The following PTPN13 variants were observed in gnomAD, a reference collection of about 807,000 sequenced individuals.
PTPN13 encodes the protein tyrosine-protein phosphatase non-receptor type 13.
In PTPN13, 191 loss-of-function variants were observed where a neutral mutation model predicts 284.0. The ratio of observed to expected loss-of-function variants is 0.67; its 90% CI spans 0.60 to 0.76. The LOEUF (loss-of-function observed/expected upper bound fraction) is 0.76, where lower values mean the gene tolerates loss of function less well. PTPN13 is among the 30% of genes least tolerant of loss of function. The pLI, the probability that PTPN13 is intolerant of heterozygous loss-of-function variation, is 0.00. For synonymous variants in PTPN13, 986 were observed against 1,022.3 expected, an observed-to-expected ratio of 0.96 and a Z score of 0.68; for missense variants, 2,797 against 2,939.9, an observed-to-expected ratio of 0.95 and a Z score of 1.12.
At chr4:86,644,870 A>C (rs1451670379) in intron 2 of PTPN13, among the ~76,000 whole-genome samples, 1 of 152,164 alleles carries the variant, frequency 6.6e-6, no homozygotes, top group Non-Finnish European at 1.5e-5. Context: ...ATAGATGCAG[A>C]AAAACATTTG....
intron 2 of PTPN13, among the ~76,000 whole-genome samples, chr4:86,658,093 G>A (rs1286670934): frequency 6.6e-6 from 1 of 152,190 alleles, no homozygotes; most frequent in African/African-American, 2.4e-5. Context: ...GTCAGCTGGT[G>A]GGGAAGCCCC....
At chr4:86,772,166 T>C (rs999767746) in intron 31 of PTPN13, among the ~76,000 whole-genome samples, 5 of 152,212 alleles carry the variant, frequency 3.3e-5, no homozygotes, top group African/African-American at 1.2e-4. Flanking sequence ...AAGCTTCTGA[T>C]AACATTAGCT....
At chr4:86,737,888 C>G (rs768642792) in intron 15 of PTPN13, among the ~76,000 whole-genome samples, 3 of 152,096 alleles carry the variant, frequency 2.0e-5, no homozygotes, top group Non-Finnish European at 4.4e-5. Context: ...GCCACCACGC[C>G]TGGCTAATTT....
intron 9 of PTPN13, among the ~76,000 whole-genome samples, chr4:86,721,710 TCTCCCTCCCCCTC>T: frequency 3.3e-5 from 1 of 30,090 alleles, no homozygotes; most frequent in East Asian, 1.6e-3. Context: ...TCCCTCCCCC[TCTCCCTCCCCCTC>T]CCCTTCCCCC....
At chr4:86,717,772 G>T (rs556336562) in intron 9 of PTPN13, among the ~76,000 whole-genome samples, 34 of 152,096 alleles carry the variant, frequency 2.2e-4, no homozygotes, top group African/African-American at 8.0e-4. Flanking sequence ...TGAAAGGTTG[G>T]AATAGTCTCA....
At chr4:86,791,843 A>C (rs976442956) in intron 40 of PTPN13, among the ~76,000 whole-genome samples, 1 of 152,186 alleles carries the variant, frequency 6.6e-6, no homozygotes, top group African/African-American at 2.4e-5. Flanking sequence ...CCAAAACCCT[A>C]TCTGTAGGTC....
intron 3 of PTPN13, among the ~76,000 whole-genome samples, 152 bp from the exon 4 acceptor site, chr4:86,686,558 T>C (rs1729482468): frequency 6.6e-6 from 1 of 152,216 alleles, no homozygotes; most frequent in Admixed American, 6.5e-5. Flanking sequence ...TCTTTTAAGC[T>C]CTCATATACT....
chr4:86,751,094 A>AT lies in PTPN13; in HGVS notation c.3138dup (p.Glu1047Ter), dbSNP rs1737333995. ...GAAACATGAATCAGACTCCTCATCC[A>AT]TTGAAGACCCTGGGCAAGCATATGT... On this transcript the variant is annotated frameshift_variant, in exon 19 of 48. Transcript: ENST00000411767. LOFTEE classifies it high-confidence loss of function. 1 of 1,605,668 alleles carries AT rather than the reference A, an allele frequency of 6.2e-7. No individual in the cohort carries two copies. The highest frequency in any genetic ancestry group is 8.5e-7 in the Non-Finnish European group (1 of 1,172,788).
At chr4:86,706,631 T>C (rs1169931951) in intron 7 of PTPN13, among the ~76,000 whole-genome samples, 1 of 152,140 alleles carries the variant, frequency 6.6e-6, no homozygotes, top group Non-Finnish European at 1.5e-5. Flanking sequence ...AAAGCAGTGA[T>C]TGGCATTGAG....
intron 42 of PTPN13, among the ~76,000 whole-genome samples, chr4:86,800,926 C>T (rs1232243487): frequency 3.3e-5 from 5 of 152,144 alleles, no homozygotes; most frequent in Non-Finnish European, 5.9e-5. Context: ...CCAACCTCTG[C>T]CCGAGCTAAA....
chr4:86,751,131 A>T lies in PTPN13; in HGVS notation c.3166+7A>T. The stretch of plus-strand genomic sequence containing the variant: ...GGGCAAGCATATGTTCTAGGTCAGC[A>T]AAAACAAGCTTACCTTCTTTGTCCC... On this transcript the variant is annotated splice_region_variant and intron_variant, in intron 19 of 47. Coordinates refer to ENST00000411767, the MANE Select transcript of PTPN13 (RefSeq NM_080683.3). 6.5e-7 allele frequency: 1 copy of T among 1,545,606 alleles called. No homozygotes were observed. The highest frequency in any genetic ancestry group is 8.9e-7 in the Non-Finnish European group (1 of 1,120,304).
intron 2 of PTPN13, among the ~76,000 whole-genome samples, chr4:86,651,800 T>G (rs1725114428): frequency 6.6e-6 from 1 of 152,236 alleles, no homozygotes; most frequent in South Asian, 2.1e-4. Context: ...AATGATCCTT[T>G]GAATTTCTGT....
At chr4:86,653,460 C>G (rs992337023) in intron 2 of PTPN13, among the ~76,000 whole-genome samples, 1 of 150,732 alleles carries the variant, frequency 6.6e-6, no homozygotes. Context: ...CATTTCAGCA[C>G]TAGGGGGCGC....
chr4:86,669,929 G>T (rs1239971129), intron 2 of PTPN13, among the ~76,000 whole-genome samples: 1 of 152,080 alleles, frequency 6.6e-6, no homozygotes, highest in Admixed American at 6.6e-5. Flanking sequence ...TTAGATTCGG[G>T]ACTTAGGTAC....
At position 86,741,677 on chromosome 4, in the gene PTPN13, T is replaced by G; in HGVS notation, c.2348T>G (p.Val783Gly). The change falls in exon 16 of 48, where the codon GTG (valine) becomes GGG (glycine). Residue 783 changes from valine (V) to glycine (G), a missense_variant. Transcript: ENST00000411767. ...GAATATGGAGTTCATTTTCACCGAG[T>G]GCACCCTGAGAAGAAGTCACAAACA... is the stretch of plus-strand genomic sequence containing the variant. ...LTEYGVHFHR[V>G]HPEKKSQTGI... 1 of 1,613,754 alleles carries G rather than the reference T, an allele frequency of 6.2e-7. No homozygotes were observed. The highest frequency in any genetic ancestry group is 8.5e-7 in the Non-Finnish European group (1 of 1,179,762).
intron 10 of PTPN13, among the ~76,000 whole-genome samples, chr4:86,728,935 A>T (rs987307687): frequency 6.7e-6 from 1 of 148,198 alleles, no homozygotes; most frequent in Non-Finnish European, 1.5e-5. Flanking sequence ...TCTTCCTAGC[A>T]TCGATGGTCT....
At chr4:86,646,811 C>G (rs934372856) in intron 2 of PTPN13, among the ~76,000 whole-genome samples, 1 of 152,082 alleles carries the variant, frequency 6.6e-6, no homozygotes, top group African/African-American at 2.4e-5. Flanking sequence ...GGAAAAAATA[C>G]AAATGTCTGT....
chr4:86,781,197 A>T (rs1043089080), intron 36 of PTPN13, among the ~76,000 whole-genome samples: 1 of 152,168 alleles, frequency 6.6e-6, no homozygotes, highest in African/African-American at 2.4e-5. Context: ...TTATCTTTCT[A>T]GGCAGAATTA....
Position 86,759,029 on chromosome 4 carries a change from A to T in PTPN13, c.3509A>T (p.Asp1170Val). Reference sequence around the variant, plus strand: ...GAAATTTTGCAAAATGCACCTGAAGATGTGACACTTGTTATCTCTCAGCCA... The same window carrying T: ...GAAATTTTGCAAAATGCACCTGAAGTTGTGACACTTGTTATCTCTCAGCCA... Reference protein sequence around the residue: ...AIEILQNAPEDVTLVISQPKE... With the variant: ...AIEILQNAPEVVTLVISQPKE... The change falls in exon 23 of 48, where the codon GAT (aspartate) becomes GTT (valine). Residue 1170 changes from aspartate to valine, a missense_variant. Asp to Val is a radical substitution (Grantham distance 152). Transcript: ENST00000411767. 1 of 1,613,680 alleles carries T rather than the reference A, an allele frequency of 6.2e-7. No individual in the cohort carries two copies. The highest frequency in any genetic ancestry group is 8.5e-7 in the Non-Finnish European group (1 of 1,179,700).
Sources: allele counts gnomAD v4.1 joint callset (sites outside exome capture counted in the v4.1 genomes callset), GRCh38; gene constraint gnomAD v4.1.1; transcripts MANE v1.5; gene names NCBI Gene and HGNC (gene_info 2026-07-23, HGNC 2026-07-21).